The following THSD4 variants were observed in gnomAD, a reference collection of about 807,000 sequenced individuals.
The protein encoded by THSD4 is thrombospondin type 1 domain containing 4, also known as thrombospondin type-1 domain-containing protein 4.
In THSD4, 69 loss-of-function variants were observed where a neutral mutation model predicts 119.0. The ratio of observed to expected loss-of-function variants is 0.58; its 90% CI spans 0.48 to 0.71. THSD4 has a LOEUF of 0.71. THSD4 is among the 30% of genes least tolerant of loss of function. The pLI, the probability that THSD4 is intolerant of heterozygous loss-of-function variation, is 0.00. For missense variants in THSD4, 1,393 were observed against 1,391.1 expected, an observed-to-expected ratio of 1.00 and a Z score of -0.02; for synonymous variants, 524 against 540.4, an observed-to-expected ratio of 0.97 and a Z score of 0.42.
chr15:71,615,106 A>G (rs1255258833), intron 7 of THSD4, among the ~76,000 whole-genome samples: 2 of 152,218 alleles, frequency 1.3e-5, no homozygotes, highest in Non-Finnish European at 2.9e-5. Context: ...ATGTAAATTG[A>G]TTTGTGCAGA....
rs374606496 is a variant in THSD4, at chr15:71,340,662, A to G, written c.1016-71025A>G. Among the ~76,000 whole-genome samples the G allele has an allele frequency of 1.6e-4, 24 of 149,284 alleles. No individual in the cohort carries two copies. In the East Asian group the frequency reaches 4.3e-3, roughly 27 times the overall value. ...ACTCTGTCACCCAGCCTGGAGTGCA[A>G]TGGTGCAATCTCTGCTTGCTGCAAC... On this transcript the variant is annotated intron_variant, in intron 6 of 17. Coordinates refer to ENST00000261862, the MANE Select transcript of THSD4 (RefSeq NM_024817.3).
At position 71,569,601 on chromosome 15, in the gene THSD4, G is replaced by A. The variant is rs540069583; in HGVS notation, c.1153-90929G>A. ...AGTAAGACTGGTGTCTAAACTCCGT[G>A]CCTTTACATCTAACTAGAGATGTGT... is the stretch of plus-strand genomic sequence containing the variant. On this transcript the variant is annotated intron_variant, in intron 7 of 17. Coordinates refer to ENST00000261862, the MANE Select transcript of THSD4 (RefSeq NM_024817.3). Among the ~76,000 whole-genome samples the A allele has an allele frequency of 5.3e-5, 8 of 152,336 alleles. No homozygotes were observed. In the South Asian group the frequency reaches 1.2e-3, roughly 24 times the overall value.
chr15:71,618,907 T>C (rs2050370607), intron 7 of THSD4, among the ~76,000 whole-genome samples: 1 of 151,922 alleles, frequency 6.6e-6, no homozygotes. Context: ...TGTTTTGTTT[T>C]CTCAAAAAGG....
At chr15:71,150,645 G>A (rs1441629207) in intron 2 of THSD4, among the ~76,000 whole-genome samples, 1 of 152,196 alleles carries the variant, frequency 6.6e-6, no homozygotes, top group Non-Finnish European at 1.5e-5. Context: ...TGTAATTTGT[G>A]TTGCACTTTT....
At chr15:71,440,485 CTCTT>C (rs1259298268) in intron 7 of THSD4, among the ~76,000 whole-genome samples, 6 of 152,266 alleles carry the variant, frequency 3.9e-5, no homozygotes, top group East Asian at 1.9e-4. Context: ...GAAAGATAAA[CTCTT>C]TCTATTTTTG....
At chr15:71,412,891 A>T (rs1322796784) in intron 7 of THSD4, among the ~76,000 whole-genome samples, 1 of 152,204 alleles carries the variant, frequency 6.6e-6, no homozygotes, top group African/African-American at 2.4e-5. Flanking sequence ...TGATATTTTG[A>T]TACAGACATA....
intron 7 of THSD4, among the ~76,000 whole-genome samples, chr15:71,625,790 A>G (rs1376508251): frequency 1.3e-5 from 2 of 152,232 alleles, no homozygotes; most frequent in Non-Finnish European, 2.9e-5. Context: ...CAGGGAGCTC[A>G]CAATTCCAGG....
At chr15:71,643,123 A>C (rs1206961159) in intron 7 of THSD4, among the ~76,000 whole-genome samples, 2 of 152,056 alleles carry the variant, frequency 1.3e-5, no homozygotes, top group African/African-American at 4.8e-5. Context: ...GGAGTCAGTG[A>C]GTTAATTTAA....
intron 5 of THSD4, among the ~76,000 whole-genome samples, chr15:71,245,374 AC>A (rs1274331103): frequency 6.6e-6 from 1 of 151,870 alleles, no homozygotes; most frequent in Non-Finnish European, 1.5e-5. Context: ...CTTGGGCCAC[AC>A]CCCCATGATC....
chr15:71,166,391 T>C (rs1219977798), intron 3 of THSD4, among the ~76,000 whole-genome samples: 2 of 152,080 alleles, frequency 1.3e-5, no homozygotes, highest in African/African-American at 2.4e-5. Context: ...GTCATGGAGG[T>C]TGGAATGCTA....
intron 6 of THSD4, among the ~76,000 whole-genome samples, chr15:71,291,151 T>C (rs928678580): frequency 3.3e-5 from 5 of 152,142 alleles, no homozygotes; most frequent in African/African-American, 1.2e-4. Context: ...ATCACCCCCA[T>C]GTAGTTACAA....
In THSD4 at chr15:71,121,847, G is replaced by C. The variant is rs1168605210; in HGVS notation, c.-80+6149G>C. Among the ~76,000 whole-genome samples, 3 of 152,146 alleles carry C rather than the reference G, an allele frequency of 2.0e-5. No homozygotes were observed. In the East Asian group the frequency reaches 5.8e-4, roughly 30 times the overall value. Reference sequence around the variant, plus strand: ...AATCCCCACTCTGCCCTGTTTTCTGGTTTCTCTGCCCTCTCATTGCCTTGT... The same window carrying C: ...AATCCCCACTCTGCCCTGTTTTCTGCTTTCTCTGCCCTCTCATTGCCTTGT... On this transcript the variant is annotated intron_variant, in intron 1 of 17. Coordinates refer to ENST00000261862, the MANE Select transcript of THSD4 (RefSeq NM_024817.3).
chr15:71,332,891 C>CTTTTTTTTTTTTTTTTT lies in THSD4; in HGVS notation c.1015+76176_1015+76177insTTTTTTTTTTTTTTTTT, dbSNP rs1184457820. Among the ~76,000 whole-genome samples the CTTTTTTTTTTTTTTTTT allele has an allele frequency of 7.4e-3, 281 of 37,996 alleles. 29 individuals carry two copies. Among genetic ancestry groups the CTTTTTTTTTTTTTTTTT allele is most frequent in the Admixed American group, 0.012 (27 of 2,282 alleles). The allele number at this position is 37,996 out of a possible 152,430, so 24.9% of individuals were successfully genotyped here. ...TTCTTAAAACATTGAGATTTTTTTA[C>CTTTTTTTTTTTTTTTTT]ATTTTTTTTTTTTTTTTAGTTCATC... On this transcript the variant is annotated intron_variant, in intron 6 of 17. Coordinates refer to ENST00000261862, the MANE Select transcript of THSD4 (RefSeq NM_024817.3).
intron 6 of THSD4, among the ~76,000 whole-genome samples, chr15:71,334,989 G>C (rs1402084571): frequency 6.6e-6 from 1 of 152,190 alleles, no homozygotes; most frequent in Non-Finnish European, 1.5e-5. Flanking sequence ...ATTTGAAAAA[G>C]GCCCTCCTTC....
At chr15:71,174,224 C>G (rs922708090) in intron 3 of THSD4, among the ~76,000 whole-genome samples, 12 of 152,288 alleles carry the variant, frequency 7.9e-5, no homozygotes, top group South Asian at 2.1e-4. Context: ...TTCTGCATTT[C>G]CATCTGAGGT....
Position 71,565,596 on chromosome 15 carries a change from G to A in THSD4, c.1153-94934G>A, listed in dbSNP as rs184388347. ...GTTGAAATGATTTAGAGAAGTAAAA[G>A]ACTTTAGCAGGCTGGAAGGATGTGT... On this transcript the variant is annotated intron_variant, in intron 7 of 17. Coordinates refer to ENST00000261862, the MANE Select transcript of THSD4 (RefSeq NM_024817.3). Among the ~76,000 whole-genome samples, 649 of 152,332 alleles carry A rather than the reference G, an allele frequency of 4.3e-3. 1 individual carries two copies. The highest frequency in any genetic ancestry group is 7.1e-3 in the Non-Finnish European group (484 of 68,036).
At chr15:71,195,146 G>A (rs780115214) in intron 3 of THSD4, among the ~76,000 whole-genome samples, 9 of 152,294 alleles carry the variant, frequency 5.9e-5, no homozygotes, top group Non-Finnish European at 7.4e-5. Flanking sequence ...GGGAAGGTAC[G>A]TAACTGTACT....
intron 8 of THSD4, among the ~76,000 whole-genome samples, chr15:71,703,856 G>T (rs867235520): frequency 1.1e-4 from 17 of 152,192 alleles, no homozygotes; most frequent in Middle Eastern, 3.4e-3. Flanking sequence ...TTGTTAGTTT[G>T]TTTTTGTTTT....
chr15:71,211,778 G>A (rs940909311), intron 3 of THSD4, among the ~76,000 whole-genome samples: 4 of 152,170 alleles, frequency 2.6e-5, no homozygotes, highest in Non-Finnish European at 5.9e-5. Flanking sequence ...TTTTAGAACA[G>A]GTTTTCTGCT....
Sources: allele counts gnomAD v4.1 joint callset (sites outside exome capture counted in the v4.1 genomes callset), GRCh38; gene constraint gnomAD v4.1.1; transcripts MANE v1.5; gene names NCBI Gene and HGNC (gene_info 2026-07-23, HGNC 2026-07-21).